Variants in CCSER2 observed in about 807,000 individuals in gnomAD.
CCSER2 encodes the protein serine-rich coiled-coil domain-containing protein 2.
A neutral mutation model predicts 92.3 loss-of-function variants in CCSER2; 46 were observed. That is an observed-to-expected ratio of 0.50 (90% CI 0.39 to 0.64). The LOEUF is 0.64. Ranked by LOEUF, CCSER2 falls within the 30% of genes least tolerant of loss-of-function variation. The probability of loss-of-function intolerance (pLI) is 0.00; values close to 1 mark genes in which losing one functional copy is unlikely to be tolerated. For synonymous variants in CCSER2, 433 were observed against 431.4 expected, an observed-to-expected ratio of 1.00 and a Z score of -0.04; for missense variants, 1,244 against 1,238.9, an observed-to-expected ratio of 1.00 and a Z score of -0.06.
intron 1 of CCSER2, among the ~76,000 whole-genome samples, chr10:84,353,550 A>T (rs1239923979): frequency 6.6e-6 from 1 of 152,152 alleles, no homozygotes; most frequent in Non-Finnish European, 1.5e-5. Context: ...CCGAGTCCCT[A>T]CTTCCTGCAG....
chr10:84,430,174 C>T (rs1380092935), intron 5 of CCSER2, among the ~76,000 whole-genome samples: 1 of 152,096 alleles, frequency 6.6e-6, no homozygotes, highest in Non-Finnish European at 1.5e-5. Flanking sequence ...TTAGGCACAC[C>T]TGCAGTCCTG....
At position 84,425,808 on chromosome 10, in the gene CCSER2, C is replaced by A; in HGVS notation, c.1783C>A (p.Pro595Thr). 6.2e-7 allele frequency: 1 copy of A among 1,613,324 alleles called. No homozygotes were observed. ...GCCTCAGGAAGGTTTTTGGAAAAGG[C>A]CACCCCAGAGGTGGAGTGGACAGGA... ...RQPQEGFWKR[P>T]PQRWSGQEHY... Residue 595 changes from proline to threonine, a missense_variant, in exon 5 of 10, where the codon CCA (proline) becomes ACA (threonine). Physicochemically the swap from Pro to Thr is conservative, Grantham distance 38. Transcript: ENST00000372088.
At chr10:84,428,328 A>G (rs1171266899) in intron 5 of CCSER2, among the ~76,000 whole-genome samples, 1 of 152,182 alleles carries the variant, frequency 6.6e-6, no homozygotes, top group Admixed American at 6.5e-5. Flanking sequence ...GATCCCTTGC[A>G]TGCGCAGCTC....
chr10:84,483,387 C>G (rs1589782780), intron 9 of CCSER2, among the ~76,000 whole-genome samples: 2 of 145,394 alleles, frequency 1.4e-5, no homozygotes, highest in East Asian at 4.0e-4. Flanking sequence ...GAATGAAACT[C>G]TGTCTCAAAA....
chr10:84,465,524 C>A (rs1471770376), intron 7 of CCSER2, among the ~76,000 whole-genome samples: 1 of 151,666 alleles, frequency 6.6e-6, no homozygotes, highest in Non-Finnish European at 1.5e-5. Context: ...TGGGGTTTCA[C>A]CATGTTGTCC....
At chr10:84,463,470 C>T (rs1846219734) in intron 6 of CCSER2, among the ~76,000 whole-genome samples, 1 of 151,994 alleles carries the variant, frequency 6.6e-6, no homozygotes, top group Non-Finnish European at 1.5e-5. Context: ...GATATATATC[C>T]TCATGTAGCT....
At chr10:84,404,602 C>T (rs1299262463) in intron 3 of CCSER2, among the ~76,000 whole-genome samples, 2 of 152,114 alleles carry the variant, frequency 1.3e-5, no homozygotes, top group African/African-American at 4.8e-5. Flanking sequence ...TAGTGAACTA[C>T]TAAATGTGTG....
intron 3 of CCSER2, among the ~76,000 whole-genome samples, chr10:84,399,071 C>G (rs1274704750): frequency 3.3e-5 from 5 of 152,148 alleles, no homozygotes; most frequent in African/African-American, 4.8e-5. Context: ...AATACAGATG[C>G]AGATTTTTCA....
intron 9 of CCSER2, among the ~76,000 whole-genome samples, chr10:84,509,842 G>C (rs1408427713): frequency 1.3e-5 from 2 of 152,134 alleles, no homozygotes; most frequent in African/African-American, 4.8e-5. Flanking sequence ...TTAGCGGAAA[G>C]CCTTCCCAAA....
chr10:84,468,872 A>G (rs1209375011), intron 7 of CCSER2, among the ~76,000 whole-genome samples: 1 of 152,192 alleles, frequency 6.6e-6, no homozygotes, highest in Non-Finnish European at 1.5e-5. Context: ...TTGTCCAAAA[A>G]GGTTAACTGC....
chr10:84,437,482 C>G (rs1844244920), intron 5 of CCSER2, among the ~76,000 whole-genome samples: 1 of 151,434 alleles, frequency 6.6e-6, no homozygotes, highest in South Asian at 2.1e-4. Context: ...CCATTGCGCT[C>G]CAGCCTGGAT....
At chr10:84,415,708 C>A (rs750631790) in intron 3 of CCSER2, among the ~76,000 whole-genome samples, 9 of 152,318 alleles carry the variant, frequency 5.9e-5, no homozygotes, top group Middle Eastern at 3.4e-3. Context: ...TTGTGGGGGA[C>A]ACTTTCTTGT....
At chr10:84,420,335 G>T (rs1440622029) in intron 4 of CCSER2, among the ~76,000 whole-genome samples, 1 of 152,154 alleles carries the variant, frequency 6.6e-6, no homozygotes, top group Non-Finnish European at 1.5e-5. Flanking sequence ...ACAACTATTG[G>T]CTATTTTGAG....
At chr10:84,377,944 T>C (rs1472698084) in intron 3 of CCSER2, among the ~76,000 whole-genome samples, 1 of 152,224 alleles carries the variant, frequency 6.6e-6, no homozygotes, top group African/African-American at 2.4e-5. Flanking sequence ...TGTAAATTCA[T>C]CTACTAGTTA....
At chr10:84,418,710 T>C (rs1258954375) in intron 4 of CCSER2, among the ~76,000 whole-genome samples, 1 of 152,210 alleles carries the variant, frequency 6.6e-6, no homozygotes, top group African/African-American at 2.4e-5. Context: ...GTAGCCTGCT[T>C]TGCTGCTTTA....
At chr10:84,329,964 A>G (rs759179005) in intron 1 of CCSER2, among the ~76,000 whole-genome samples, 5 of 152,256 alleles carry the variant, frequency 3.3e-5, no homozygotes, top group Non-Finnish European at 7.3e-5. Flanking sequence ...CCCTTTAGCC[A>G]TAATTCATAC....
chr10:84,467,608 C>T lies in CCSER2; in HGVS notation c.2149-2764C>T, dbSNP rs535796778. On this transcript the variant is annotated intron_variant, in intron 7 of 9. Transcript: ENST00000372088. ...TTGACATACTGAACTGAAGAAACCT[C>T]AAGATCTCTTCTGGCTCCATCATGT... Among the ~76,000 whole-genome samples the T allele has an allele frequency of 5.9e-5, 9 of 152,278 alleles. No individual in the cohort carries two copies. In the South Asian group the frequency reaches 1.9e-3, roughly 32 times the overall value.
At chr10:84,462,286 A>AT (rs1416703798) in intron 6 of CCSER2, among the ~76,000 whole-genome samples, 3 of 151,856 alleles carry the variant, frequency 2.0e-5, no homozygotes, top group Non-Finnish European at 4.4e-5. Context: ...CTGTTGTTTT[A>AT]TTTTTTCTAT....
At chr10:84,431,172 T>C (rs897071139) in intron 5 of CCSER2, among the ~76,000 whole-genome samples, 2 of 152,198 alleles carry the variant, frequency 1.3e-5, no homozygotes, top group Non-Finnish European at 2.9e-5. Flanking sequence ...TTGTATATCC[T>C]ATGGGCCTTG....
Sources: gnomAD v4.1 joint callset for allele counts (sites outside exome capture counted in the v4.1 genomes callset) on GRCh38, gnomAD v4.1.1 for gene constraint, MANE v1.5 for transcripts, NCBI Gene and HGNC (gene_info 2026-07-23, HGNC 2026-07-21) for gene names.